Variants in OXR1 observed in about 807,000 individuals in gnomAD.
The protein encoded by OXR1 is oxidation resistance protein 1.
OXR1 carries 41 observed loss-of-function variants against 104.6 expected under a neutral mutation model. That is an observed-to-expected ratio of 0.39 (90% CI 0.31 to 0.51). The LOEUF (loss-of-function observed/expected upper bound fraction) is 0.51, where lower values mean the gene tolerates loss of function less well. OXR1 is among the 20% of genes least tolerant of loss of function. The pLI, the probability that OXR1 is intolerant of heterozygous loss-of-function variation, is 0.77. For missense variants in OXR1, 955 were observed against 1,031.9 expected (o/e 0.93, Z 1.02); for synonymous variants, 348 against 348.4 (o/e 1.00, Z 0.01).
At chr8:106,498,293 A>T (rs1033544017) in intron 2 of OXR1, among the ~76,000 whole-genome samples, 4 of 152,230 alleles carry the variant, frequency 2.6e-5, no homozygotes, top group African/African-American at 9.6e-5. Context: ...CTAGATAATA[A>T]ATCTATACAT....
At chr8:106,389,060 C>T (rs551353325) in intron 2 of OXR1, among the ~76,000 whole-genome samples, 1 of 152,280 alleles carries the variant, frequency 6.6e-6, no homozygotes, top group Admixed American at 6.5e-5. Flanking sequence ...TAAGAAGAAT[C>T]ATAGCACTCT....
chr8:106,416,526 A>G (rs1818684449), intron 2 of OXR1, among the ~76,000 whole-genome samples: 1 of 152,084 alleles, frequency 6.6e-6, no homozygotes, highest in Admixed American at 6.6e-5. Context: ...GTTCTAATAT[A>G]TATGTATACA....
At chr8:106,611,368 C>A (rs1265850532) in intron 3 of OXR1, among the ~76,000 whole-genome samples, 1 of 152,158 alleles carries the variant, frequency 6.6e-6, no homozygotes, top group Non-Finnish European at 1.5e-5. Context: ...AGGCCAGAAC[C>A]TGGAGTGTTG....
At chr8:106,632,889 A>G (rs1822809350) in intron 3 of OXR1, among the ~76,000 whole-genome samples, 2 of 152,162 alleles carry the variant, frequency 1.3e-5, no homozygotes, top group Admixed American at 1.3e-4. Flanking sequence ...CAGTGAACCA[A>G]GATCACACCA....
intron 3 of OXR1, among the ~76,000 whole-genome samples, chr8:106,648,267 TAAAA>T (rs1563667279): frequency 6.6e-6 from 1 of 152,206 alleles, no homozygotes; most frequent in East Asian, 1.9e-4. Context: ...GGGGCAGGAA[TAAAA>T]AGATTGAGAA....
At chr8:106,735,405 T>C (rs184188128) in intron 11 of OXR1, among the ~76,000 whole-genome samples, 3 of 152,304 alleles carry the variant, frequency 2.0e-5, no homozygotes, top group Admixed American at 2.0e-4. Flanking sequence ...CTTAGCCTTA[T>C]GGCGATTTAT....
chr8:106,533,736 T>C (rs1789965), intron 3 of OXR1, among the ~76,000 whole-genome samples: 144,860 of 145,620 alleles, frequency 0.99, 72,099 homozygotes, highest in Middle Eastern at 1. Flanking sequence ...TTTTTGGAGA[T>C]GGATTTTCTC....
intron 2 of OXR1, among the ~76,000 whole-genome samples, chr8:106,495,565 G>C (rs570142273): frequency 6.6e-6 from 1 of 152,108 alleles, no homozygotes; most frequent in Admixed American, 6.6e-5. Flanking sequence ...TTCTTTCTAC[G>C]TTTTGTAAAT....
chr8:106,725,371 A>C (rs1833232617), intron 11 of OXR1, among the ~76,000 whole-genome samples: 1 of 152,164 alleles, frequency 6.6e-6, no homozygotes. Flanking sequence ...GCTTTACCTT[A>C]AAATGGAAGA....
chr8:106,371,606 T>C (rs532302958), intron 2 of OXR1, among the ~76,000 whole-genome samples: 1 of 152,354 alleles, frequency 6.6e-6, no homozygotes, highest in South Asian at 2.1e-4. Flanking sequence ...TTTGTTCTCA[T>C]TGGTTTCAAA....
intron 14 of OXR1, among the ~76,000 whole-genome samples, 162 bp from the exon 15 acceptor site, chr8:106,742,060 A>C (rs940369308): frequency 1.3e-5 from 2 of 152,206 alleles, no homozygotes; most frequent in African/African-American, 4.8e-5. Context: ...ACAATAATGT[A>C]AATTATATAG....
intron 2 of OXR1, among the ~76,000 whole-genome samples, chr8:106,433,220 A>C (rs1789975): frequency 2.0e-4 from 31 of 152,070 alleles, no homozygotes; most frequent in African/African-American, 6.5e-4. Context: ...ATAGGGGGCC[A>C]AAGTTAGGTT....
intron 11 of OXR1, among the ~76,000 whole-genome samples, chr8:106,722,206 T>G (rs1401986957): frequency 2.6e-5 from 4 of 152,188 alleles, no homozygotes; most frequent in African/African-American, 9.6e-5. Context: ...CCTCATGATC[T>G]CTTCTCAGTC....
chr8:106,507,929 T>A (rs1812277443), intron 2 of OXR1, among the ~76,000 whole-genome samples: 1 of 152,220 alleles, frequency 6.6e-6, no homozygotes, highest in Non-Finnish European at 1.5e-5. Flanking sequence ...AAGTGACTTC[T>A]GAGGCTGTGA....
chr8:106,732,531 A>G (rs368189143), intron 11 of OXR1, among the ~76,000 whole-genome samples: 3 of 152,068 alleles, frequency 2.0e-5, no homozygotes, highest in Admixed American at 6.5e-5. Flanking sequence ...TTTTTAATAC[A>G]TGTTCTTTAT....
chr8:106,639,886 T>C (rs1823483924), intron 3 of OXR1, among the ~76,000 whole-genome samples: 1 of 152,178 alleles, frequency 6.6e-6, no homozygotes, highest in Non-Finnish European at 1.5e-5. Context: ...ATGGTTTCCA[T>C]TCTCAGAGAC....
intron 3 of OXR1, among the ~76,000 whole-genome samples, chr8:106,547,671 T>G (rs1398657540): frequency 6.6e-6 from 1 of 151,850 alleles, no homozygotes; most frequent in East Asian, 1.9e-4. Context: ...TTTTGTACAT[T>G]TAGTAGAGAC....
At chr8:106,551,547 G>A (rs937082381) in intron 3 of OXR1, among the ~76,000 whole-genome samples, 9 of 152,054 alleles carry the variant, frequency 5.9e-5, no homozygotes, top group Admixed American at 3.9e-4. Context: ...CTGAAGGCAA[G>A]TCTTAGTTTA....
At chr8:106,693,204 T>C (rs1366674675) in intron 7 of OXR1, among the ~76,000 whole-genome samples, 1 of 152,150 alleles carries the variant, frequency 6.6e-6, no homozygotes, top group African/African-American at 2.4e-5. Flanking sequence ...ATAACTAGTA[T>C]AGCACACAAA....
Sources: gnomAD v4.1 joint callset for allele counts (sites outside exome capture counted in the v4.1 genomes callset) on GRCh38, gnomAD v4.1.1 for gene constraint, MANE v1.5 for transcripts, NCBI Gene and HGNC (gene_info 2026-07-23, HGNC 2026-07-21) for gene names.